TRPM3: variants seen among roughly 807,000 people sequenced by gnomAD.
TRPM3 encodes long transient receptor potential channel 3.
In TRPM3, 77 loss-of-function variants were observed where a neutral mutation model predicts 181.2. The ratio of observed to expected loss-of-function variants is 0.42; its 90% CI spans 0.35 to 0.51. The LOEUF (loss-of-function observed/expected upper bound fraction) is 0.51. Among genes scored for constraint, TRPM3 ranks in the 20% least tolerant of loss-of-function variants. The pLI, the probability that TRPM3 is intolerant of heterozygous loss-of-function variation, is 0.01. For synonymous variants in TRPM3, 745 were observed against 796.4 expected (o/e 0.94, Z 1.09); for missense variants, 1,759 against 2,196.7 (o/e 0.80, Z 3.98).
chr9:70,752,827 G>A (rs990137902), intron 8 of TRPM3, among the ~76,000 whole-genome samples: 5 of 152,060 alleles, frequency 3.3e-5, no homozygotes, highest in Non-Finnish European at 4.4e-5. Flanking sequence ...TACACTCTAT[G>A]GGCTGGGAGT....
chr9:70,535,475 G>A lies in TRPM3; in HGVS notation c.*478C>T, dbSNP rs1232891355. On this transcript the variant is annotated 3_prime_UTR_variant, in exon 26 of 26. Coordinates refer to ENST00000677713, the MANE Select transcript of TRPM3 (RefSeq NM_001366145.2). ...CTCTTCATCAGTCACCAGTGATGGA[G>A]CCAATGTGAAAAGAAAACAGAATGG... 6.4e-7 allele frequency: 1 copy of A among 1,550,430 alleles called. No individual in the cohort carries two copies. Among genetic ancestry groups the A allele is most frequent in the Non-Finnish European group, 8.7e-7 (1 of 1,147,006 alleles).
At chr9:71,306,378 G>A (rs975918044) in intron 1 of TRPM3, among the ~76,000 whole-genome samples, 2 of 152,122 alleles carry the variant, frequency 1.3e-5, no homozygotes, top group African/African-American at 4.8e-5. Flanking sequence ...TGGGTTGAAT[G>A]AGGTGCTTTC....
intron 1 of TRPM3, among the ~76,000 whole-genome samples, chr9:71,196,572 GTTC>G (rs2078379885): frequency 6.6e-6 from 1 of 151,784 alleles, no homozygotes; most frequent in South Asian, 2.1e-4. Flanking sequence ...GAATTGACCT[GTTC>G]TTCTTCTCTC....
At chr9:70,743,800 T>C (rs935323631) in intron 8 of TRPM3, among the ~76,000 whole-genome samples, 2 of 152,132 alleles carry the variant, frequency 1.3e-5, no homozygotes, top group Non-Finnish European at 2.9e-5. Context: ...TCATGCAAAT[T>C]ATTTAGTAAG....
intron 7 of TRPM3, among the ~76,000 whole-genome samples, chr9:70,765,179 A>G (rs937912015): frequency 2.0e-5 from 3 of 152,140 alleles, no homozygotes; most frequent in Non-Finnish European, 4.4e-5. Flanking sequence ...GCCTTGCCCC[A>G]TGGTGTTGCT....
chr9:71,078,347 T>C (rs1007748161), intron 1 of TRPM3, among the ~76,000 whole-genome samples: 12 of 152,206 alleles, frequency 7.9e-5, no homozygotes, highest in African/African-American at 2.9e-4. Flanking sequence ...ATGTAAAGTA[T>C]CTTCCCATGT....
chr9:71,006,459 C>A (rs968820221), intron 1 of TRPM3, among the ~76,000 whole-genome samples: 9 of 151,622 alleles, frequency 5.9e-5, no homozygotes, highest in Non-Finnish European at 8.8e-5. Flanking sequence ...ACTCACTTCA[C>A]CTATAATGAT....
chr9:71,241,714 G>T (rs192113709), intron 1 of TRPM3, among the ~76,000 whole-genome samples: 1 of 152,124 alleles, frequency 6.6e-6, no homozygotes, highest in Non-Finnish European at 1.5e-5. Flanking sequence ...ATTCTATTCC[G>T]TAACATATTA....
At chr9:70,872,993 T>C (rs1289832176) in intron 1 of TRPM3, among the ~76,000 whole-genome samples, 1 of 151,986 alleles carries the variant, frequency 6.6e-6, no homozygotes, top group African/African-American at 2.4e-5. Flanking sequence ...ACACAAGGAA[T>C]GGCTAAACCT....
intron 6 of TRPM3, among the ~76,000 whole-genome samples, chr9:70,792,849 T>C (rs2085855245): frequency 6.6e-6 from 1 of 152,010 alleles, no homozygotes; most frequent in Non-Finnish European, 1.5e-5. Context: ...AAGGGTAAAA[T>C]AGAGAAAATT....
intron 1 of TRPM3, among the ~76,000 whole-genome samples, chr9:71,068,297 A>G (rs2062206918): frequency 6.6e-6 from 1 of 152,192 alleles, no homozygotes; most frequent in Non-Finnish European, 1.5e-5. Context: ...GAACTTATTT[A>G]TATGCTAATT....
intron 1 of TRPM3, among the ~76,000 whole-genome samples, chr9:70,953,315 C>G (rs1309778339): frequency 6.6e-6 from 1 of 152,148 alleles, no homozygotes. Flanking sequence ...CATGAACATT[C>G]TTTCAAATCA....
At chr9:71,281,478 G>A (rs972035631) in intron 1 of TRPM3, among the ~76,000 whole-genome samples, 1 of 152,088 alleles carries the variant, frequency 6.6e-6, no homozygotes, top group Admixed American at 6.5e-5. Flanking sequence ...TTTGTTCATT[G>A]CTGTCTCCCC....
intron 1 of TRPM3, among the ~76,000 whole-genome samples, chr9:71,200,554 C>A (rs2131725050): frequency 6.6e-6 from 1 of 152,250 alleles, no homozygotes; most frequent in East Asian, 1.9e-4. Flanking sequence ...AATCTGGGTG[C>A]TCCTGCATTG....
At chr9:70,640,403 T>C (rs538309144) in intron 10 of TRPM3, among the ~76,000 whole-genome samples, 157 bp downstream of exon 10, 1 of 152,258 alleles carries the variant, frequency 6.6e-6, no homozygotes, top group African/African-American at 2.4e-5. Context: ...TTCCTAAATA[T>C]GAGAAAGGGA....
chr9:71,420,389 A>G (rs2093707326), intron 1 of TRPM3, among the ~76,000 whole-genome samples: 1 of 151,952 alleles, frequency 6.6e-6, no homozygotes, highest in Non-Finnish European at 1.5e-5. Flanking sequence ...GTGAAAAGGG[A>G]ATAATAAAGA....
At chr9:71,295,303 T>C (rs1422239428) in intron 1 of TRPM3, among the ~76,000 whole-genome samples, 1 of 152,080 alleles carries the variant, frequency 6.6e-6, no homozygotes, top group East Asian at 1.9e-4. Context: ...TTAAAAATTA[T>C]GGAGTTACAA....
At chr9:71,347,988 A>C (rs1328279493) in intron 1 of TRPM3, among the ~76,000 whole-genome samples, 1 of 152,142 alleles carries the variant, frequency 6.6e-6, no homozygotes, top group Non-Finnish European at 1.5e-5. Flanking sequence ...AAAAAAGTTA[A>C]AATGAACAAC....
chr9:70,931,961 A>G (rs2096779353), intron 1 of TRPM3, among the ~76,000 whole-genome samples: 2 of 152,222 alleles, frequency 1.3e-5, no homozygotes, highest in African/African-American at 4.8e-5. Context: ...GTTTATCAAA[A>G]TATATTCACG....
Sources: gnomAD v4.1 joint callset for allele counts (sites outside exome capture counted in the v4.1 genomes callset) on GRCh38, gnomAD v4.1.1 for gene constraint, MANE v1.5 for transcripts, NCBI Gene and HGNC (gene_info 2026-07-23, HGNC 2026-07-21) for gene names.